CARM1: variants seen among roughly 807,000 people sequenced by gnomAD.
The protein encoded by CARM1 is histone-arginine methyltransferase CARM1.
A neutral mutation model predicts 72.7 loss-of-function variants in CARM1; 14 were observed. That is an observed-to-expected ratio of 0.19 (90% CI 0.13 to 0.30). The LOEUF is 0.30. Ranked by LOEUF, CARM1 falls within the 10% of genes least tolerant of loss-of-function variation. The pLI, the probability that CARM1 is intolerant of heterozygous loss-of-function variation, is 1.00. For synonymous variants in CARM1, 333 were observed against 345.5 expected, an observed-to-expected ratio of 0.96 and a Z score of 0.40; for missense variants, 432 against 833.7, an observed-to-expected ratio of 0.52 and a Z score of 5.93.
In CARM1 at chr19:10,922,662, G is replaced by A. The variant is rs1442764227; in HGVS notation, c.*905G>A. The stretch of plus-strand genomic sequence containing the variant: ...TAGACGCTCCAGTCCCTACTACTGT[G>A]ACGGCATTTCCATCCCTCCCCTGCC... On this transcript the variant is annotated 3_prime_UTR_variant, in exon 16 of 16. Transcript: ENST00000327064. 2 of 152,306 alleles carry A rather than the reference G, an allele frequency of 1.3e-5. No individual in the cohort carries two copies. The highest frequency in any genetic ancestry group is 1.5e-5 in the Non-Finnish European group (1 of 68,138). 9.4% of individuals were successfully genotyped at this position (152,306 alleles called of 1,614,324 possible).
At chr19:10,902,986 T>C (rs890316891) in intron 1 of CARM1, among the ~76,000 whole-genome samples, 4 of 152,302 alleles carry the variant, frequency 2.6e-5, no homozygotes, top group African/African-American at 9.6e-5. Context: ...AGTTTTCTTG[T>C]TTTAGCTCTT....
Position 10,916,305 on chromosome 19 carries a change from G to A in CARM1, c.848-102G>A. The A allele has an allele frequency of 2.7e-6, 2 of 747,750 alleles. No homozygotes were observed. The highest frequency in any genetic ancestry group is 4.7e-6 in the Non-Finnish European group (2 of 425,570). 46.3% of individuals were successfully genotyped at this position (747,750 alleles called of 1,614,324 possible). A position where few individuals can be genotyped will look rare whatever the true frequency, so the allele number is the denominator to read the frequency against. ...TGCAGGAACGAATGGATGACAGGCT[G>A]GGAGCACCCAGGGTTGGGGGTCTTG... On this transcript the variant is annotated intron_variant, in intron 6 of 15. Coordinates refer to ENST00000327064, the MANE Select transcript of CARM1 (RefSeq NM_199141.2). The surrounding 1 kb of genome is among the most constrained non-coding windows in gnomAD (Gnocchi z 4.4).
chr19:10,893,412 C>T (rs1334383302), intron 1 of CARM1, among the ~76,000 whole-genome samples: 1 of 151,724 alleles, frequency 6.6e-6, no homozygotes, highest in African/African-American at 2.4e-5. Context: ...GATCTCGGCT[C>T]ACTGCAACCT....
At chr19:10,873,611 C>CT (rs1214548013) in intron 1 of CARM1, among the ~76,000 whole-genome samples, 1 of 74,814 alleles carries the variant, frequency 1.3e-5, no homozygotes, top group Non-Finnish European at 2.8e-5. Flanking sequence ...TTTTTTAGAA[C>CT]AATTTTAGTT....
rs34563725 is a variant in CARM1, at chr19:10,899,033, GT to G, written c.221-5898del. 7.4e-3 allele frequency among the ~76,000 whole-genome samples: 868 copies of G among 117,428 alleles called. 4 individuals are homozygous for G. The highest frequency in any genetic ancestry group is 0.011 in the Non-Finnish European group (648 of 57,122). 77.0% of individuals were successfully genotyped at this position (117,428 alleles called of 152,430 possible). A position where few individuals can be genotyped will look rare whatever the true frequency, so the allele number is the denominator to read the frequency against. ...CAAAGAGAGGAACACGGCTTAGCTT[GT>G]TTTTTTTTTTTTTTTTTTTGGTTTG... On this transcript the variant is annotated intron_variant, in intron 1 of 15. Transcript: ENST00000327064.
chr19:10,906,922 T>TTTATTTTATG (rs1252006887), intron 2 of CARM1, among the ~76,000 whole-genome samples: 1 of 144,892 alleles, frequency 6.9e-6, no homozygotes, highest in African/African-American at 2.6e-5. Flanking sequence ...TTTATTTTAT[T>TTTATTTTATG]TTGAGACAGA....
At chr19:10,902,089 C>CA (rs2074070501) in intron 1 of CARM1, among the ~76,000 whole-genome samples, 1 of 151,524 alleles carries the variant, frequency 6.6e-6, no homozygotes, top group South Asian at 2.1e-4. Context: ...ACGAAAACTA[C>CA]AAAAATAAGC....
intron 5 of CARM1, among the ~76,000 whole-genome samples, chr19:10,913,318 G>A (rs1307851515): frequency 6.6e-6 from 1 of 152,032 alleles, no homozygotes; most frequent in African/African-American, 2.4e-5. Flanking sequence ...CAGCACTTTG[G>A]GAGGCTTAGG....
intron 3 of CARM1, 149 bp downstream of exon 3, chr19:10,908,294 C>T: frequency 1.7e-6 from 1 of 597,358 alleles, no homozygotes; most frequent in Non-Finnish European, 3.0e-6. Context: ...GGGCAGGTTT[C>T]CTCTGCTGGC....
rs773887509 is a variant in CARM1, at chr19:10,920,400, G to A, written c.1197-36G>A. The A allele has an allele frequency of 4.6e-5, 73 of 1,591,368 alleles. 1 individual carries two copies. In the East Asian group the frequency reaches 6.6e-4, roughly 14 times the overall value. ...AGGTGGTGGCTCCAGTGGTGGCGCC[G>A]GCCCAGTCAAGTATGTGCCTGTCCC... On this transcript the variant is annotated intron_variant, in intron 10 of 15. Transcript: ENST00000327064. The surrounding 1 kb of genome is among the most constrained non-coding windows in gnomAD (Gnocchi z 5.3).
chr19:10,912,161 C>G lies in CARM1; in HGVS notation c.559-23C>G, dbSNP rs569608598. On this transcript the variant is annotated intron_variant, in intron 4 of 15. Coordinates refer to ENST00000327064, the MANE Select transcript of CARM1 (RefSeq NM_199141.2). The surrounding 1 kb of genome is among the most constrained non-coding windows in gnomAD (Gnocchi z 4.5). ...TCACCGTCGCCTCCTATGTCTCGCT[C>G]TCACCTCCCACTCCTCCCTCAGATC... The G allele has an allele frequency of 1.3e-6, 2 of 1,590,504 alleles. No individual in the cohort carries two copies. Among genetic ancestry groups the G allele is most frequent in the Non-Finnish European group, 1.7e-6 (2 of 1,158,472 alleles).
chr19:10,884,696 C>T (rs768102811), intron 1 of CARM1, among the ~76,000 whole-genome samples: 3 of 151,974 alleles, frequency 2.0e-5, no homozygotes, highest in East Asian at 1.9e-4. Flanking sequence ...TTCTCTGCAT[C>T]GCTTCTTTAT....
rs967698147 is a variant in CARM1 at position 10,916,992 on chromosome 19, A to G, written c.1020+215A>G. Among the ~76,000 whole-genome samples, 13 of 152,198 alleles carry G rather than the reference A, an allele frequency of 8.5e-5. No individual in the cohort carries two copies. Among genetic ancestry groups the G allele is most frequent in the Non-Finnish European group, 1.8e-4 (12 of 68,048 alleles). ...GAACATTATTAGGTGAGGCTAAGGC[A>G]GAGGGGGCATTTAGGCTCAGGAGTT... is the stretch of plus-strand genomic sequence containing the variant. On this transcript the variant is annotated intron_variant, in intron 8 of 15. Transcript: ENST00000327064. The surrounding 1 kb of genome is among the most constrained non-coding windows in gnomAD (Gnocchi z 4.4).
intron 1 of CARM1, 25 bp from the exon 2 acceptor site, chr19:10,904,926 C>A: frequency 6.2e-7 from 1 of 1,612,946 alleles, no homozygotes; most frequent in African/African-American, 1.3e-5. Context: ...CTGCACCGCT[C>A]ACGCCAGCCT....
intron 1 of CARM1, among the ~76,000 whole-genome samples, chr19:10,883,726 T>A (rs4804540): frequency 0.08 from 12,118 of 152,168 alleles, 657 homozygotes; most frequent in Non-Finnish European, 0.12. Flanking sequence ...GCTAATTTTT[T>A]AAAAAAATTG....
At chr19:10,883,738 C>T (rs1650321830) in intron 1 of CARM1, among the ~76,000 whole-genome samples, 1 of 152,210 alleles carries the variant, frequency 6.6e-6, no homozygotes, top group Non-Finnish European at 1.5e-5. Context: ...AAAAAATTGG[C>T]TGGGAGTGGT....
intron 2 of CARM1, among the ~76,000 whole-genome samples, chr19:10,907,124 C>T (rs941280262): frequency 6.6e-6 from 1 of 152,006 alleles, no homozygotes; most frequent in African/African-American, 2.4e-5. Context: ...CCAGGCTGGT[C>T]TCGAACTCCT....
chr19:10,899,397 G>A (rs1477603520), intron 1 of CARM1, among the ~76,000 whole-genome samples: 2 of 152,248 alleles, frequency 1.3e-5, no homozygotes, highest in African/African-American at 4.8e-5. Context: ...AGTATCTCCT[G>A]CCCCAGGACG....
chr19:10,898,547 G>T (rs1258637549), intron 1 of CARM1, among the ~76,000 whole-genome samples: 1 of 152,248 alleles, frequency 6.6e-6, no homozygotes, highest in Non-Finnish European at 1.5e-5. Flanking sequence ...CTGGGGTCCT[G>T]CCCCCTTCCG....
Sources: allele counts gnomAD v4.1 joint callset (sites outside exome capture counted in the v4.1 genomes callset), GRCh38; gene constraint gnomAD v4.1.1; non-coding constraint Gnocchi (gnomAD v3.1); transcripts MANE v1.5; gene names NCBI Gene and HGNC (gene_info 2026-07-23, HGNC 2026-07-21).